WDR59: variants seen among roughly 807,000 people sequenced by gnomAD.
The protein encoded by WDR59 is WD repeat domain 59, also known as GATOR2 complex protein WDR59.
WDR59 carries 100 observed loss-of-function variants against 131.2 expected under a neutral mutation model. The ratio of observed to expected loss-of-function variants is 0.76; its 90% CI spans 0.65 to 0.90. WDR59 has a LOEUF of 0.90. WDR59 is among the 40% of genes least tolerant of loss of function. The probability of loss-of-function intolerance (pLI) is 0.00; values close to 1 mark genes in which losing one functional copy is unlikely to be tolerated. For missense variants in WDR59, 1,203 were observed against 1,262.2 expected (o/e 0.95, Z 0.71); for synonymous variants, 601 against 466.2 (o/e 1.29, Z -3.72).
chr16:74,891,574 G>C (rs1345910458), intron 20 of WDR59, among the ~76,000 whole-genome samples: 2 of 152,160 alleles, frequency 1.3e-5, no homozygotes, highest in African/African-American at 4.8e-5. Flanking sequence ...AGTGACTCTT[G>C]CATTTACTTC....
chr16:74,958,159 T>C (rs1223892831), intron 2 of WDR59, among the ~76,000 whole-genome samples: 1 of 152,148 alleles, frequency 6.6e-6, no homozygotes, highest in Non-Finnish European at 1.5e-5. Context: ...TGAACACGCC[T>C]GATGGAACAT....
intron 8 of WDR59, among the ~76,000 whole-genome samples, chr16:74,924,459 T>C (rs1339845460): frequency 6.6e-6 from 1 of 152,186 alleles, no homozygotes; most frequent in African/African-American, 2.4e-5. Flanking sequence ...TTTTCAAATG[T>C]AGAGGCTATA....
rs547076296 is a variant in WDR59 at position 74,898,518 on chromosome 16, G to A, written c.1867-4706C>T. Among the ~76,000 whole-genome samples, 5 of 152,304 alleles carry A rather than the reference G, an allele frequency of 3.3e-5. 1 individual carries two copies. The highest frequency in any genetic ancestry group is 1.2e-4 in the African/African-American group (5 of 41,568). On this transcript the variant is annotated intron_variant, in intron 18 of 25. Coordinates refer to ENST00000262144, the MANE Select transcript of WDR59 (RefSeq NM_030581.4). ...AACAAACCAAGAAGGTGTTCATGGA[G>A]TTATGGCAAAGAGGACAAGGAAGAA... is the stretch of plus-strand genomic sequence containing the variant.
At chr16:74,958,254 C>G (rs916382024) in intron 2 of WDR59, among the ~76,000 whole-genome samples, 12 of 151,844 alleles carry the variant, frequency 7.9e-5, no homozygotes, top group African/African-American at 2.7e-4. Flanking sequence ...GAAAATGAGA[C>G]AGGAAATGAA....
At chr16:74,888,365 TGAG>T in intron 21 of WDR59, 46 bp from the exon 22 acceptor site, 1 of 1,581,300 alleles carries the variant, frequency 6.3e-7, no homozygotes, top group African/African-American at 1.3e-5. Context: ...GAGGAGGGAT[TGAG>T]GAGGAAAGCG....
At chr16:74,911,247 G>A (rs1393260425) in intron 14 of WDR59, among the ~76,000 whole-genome samples, 3 of 152,154 alleles carry the variant, frequency 2.0e-5, no homozygotes, top group Non-Finnish European at 4.4e-5. Flanking sequence ...TTTTTTGTAT[G>A]TCCAAACTAG....
chr16:74,904,276 G>A (rs1303516126), intron 17 of WDR59, 176 bp from the exon 18 acceptor site: 2 of 678,956 alleles, frequency 2.9e-6, no homozygotes, highest in East Asian at 2.9e-5. Flanking sequence ...CACAAGCATA[G>A]AATGCTTCTA....
At chr16:74,981,953 G>A (rs1364011774) in intron 1 of WDR59, among the ~76,000 whole-genome samples, 2 of 123,966 alleles carry the variant, frequency 1.6e-5, no homozygotes, top group Non-Finnish European at 3.4e-5. Flanking sequence ...ACCACGCCTG[G>A]CCATATATGT....
chr16:74,977,610 C>G (rs537525778), intron 1 of WDR59, among the ~76,000 whole-genome samples: 1 of 152,224 alleles, frequency 6.6e-6, no homozygotes, highest in African/African-American at 2.4e-5. Context: ...ATGGCGTGAA[C>G]CCGGGAGGCG....
chr16:74,934,556 G>A (rs1165159098), intron 8 of WDR59, among the ~76,000 whole-genome samples: 2 of 151,988 alleles, frequency 1.3e-5, no homozygotes, highest in Non-Finnish European at 2.9e-5. Context: ...TAAATTAACC[G>A]GAGCCATTCC....
In WDR59 at chr16:74,874,440, G is replaced by C; in HGVS notation, c.2694C>G (p.Phe898Leu). ...CPPDPHKGIE[F>L]GVYCSHCRSE... ...TCCGGCAGTGGCTGCAGTACACGCCGAACTCTGGAAATGGGCAGGGACGGG... is the reference window on the plus strand; with the variant it reads ...TCCGGCAGTGGCTGCAGTACACGCCCAACTCTGGAAATGGGCAGGGACGGG... The change falls in exon 26 of 26, where the codon TTC becomes TTG. Residue 898 changes from phenylalanine to leucine, a missense_variant. Physicochemically the swap from Phe to Leu is conservative, Grantham distance 22. Transcript: ENST00000262144. 3 of 1,613,684 alleles carry C rather than the reference G, an allele frequency of 1.9e-6. No individual in the cohort carries two copies. The highest frequency in any genetic ancestry group is 2.2e-5 in the East Asian group (1 of 44,872).
chr16:74,901,357 CA>C (rs1221431426), intron 18 of WDR59, among the ~76,000 whole-genome samples: 4 of 151,850 alleles, frequency 2.6e-5, no homozygotes, highest in Non-Finnish European at 4.4e-5. Flanking sequence ...TTAAAGCTCT[CA>C]GGGGCAGAGA....
At chr16:74,937,631 A>G (rs2031907600) in intron 8 of WDR59, among the ~76,000 whole-genome samples, 1 of 152,090 alleles carries the variant, frequency 6.6e-6, no homozygotes, top group South Asian at 2.1e-4. Flanking sequence ...CCTCCCAAGT[A>G]GATGGAATTA....
rs115087805 is a variant in WDR59, at chr16:74,872,260, C to G, written c.*1949G>C. 1.3e-5 allele frequency: 2 copies of G among 152,134 alleles called. No individual in the cohort carries two copies. The highest frequency in any genetic ancestry group is 6.5e-5 in the Admixed American group (1 of 15,278). 9.4% of individuals were successfully genotyped at this position (152,134 alleles called of 1,614,324 possible). On this transcript the variant is annotated 3_prime_UTR_variant, in exon 26 of 26. Coordinates refer to ENST00000262144, the MANE Select transcript of WDR59 (RefSeq NM_030581.4). ...TTGAAACACATGAATATGCAATGCT[C>G]TCCCATTATGAGACATGTCCTAGTC...
At chr16:74,876,894 G>A (rs983795858) in intron 25 of WDR59, among the ~76,000 whole-genome samples, 3 of 152,086 alleles carry the variant, frequency 2.0e-5, no homozygotes, top group African/African-American at 7.2e-5. Context: ...CTGGCAAGGT[G>A]TCTCACACCT....
intron 3 of WDR59, among the ~76,000 whole-genome samples, chr16:74,954,697 C>G (rs1182674482): frequency 6.6e-6 from 1 of 152,146 alleles, no homozygotes; most frequent in Non-Finnish European, 1.5e-5. Context: ...ATGTTCATAC[C>G]AGCTCTATTC....
chr16:74,928,877 C>A (rs1416533823), intron 8 of WDR59, among the ~76,000 whole-genome samples: 3 of 151,994 alleles, frequency 2.0e-5, no homozygotes, highest in African/African-American at 2.4e-5. Context: ...CCACTGCACT[C>A]CAGCCTGGAT....
At chr16:74,914,695 G>T (rs569903466) in intron 13 of WDR59, among the ~76,000 whole-genome samples, 1 of 151,634 alleles carries the variant, frequency 6.6e-6, no homozygotes, top group Admixed American at 6.6e-5. Flanking sequence ...CTGGGTTCAA[G>T]CGATTCTCCT....
chr16:74,959,596 C>T, intron 2 of WDR59: 1 of 424,318 alleles, frequency 2.4e-6, no homozygotes, highest in Non-Finnish European at 4.6e-6. Flanking sequence ...ACCTTATCTG[C>T]ATAAAGAAAA....
Sources: allele counts gnomAD v4.1 joint callset (sites outside exome capture counted in the v4.1 genomes callset), GRCh38; gene constraint gnomAD v4.1.1; transcripts MANE v1.5; gene names NCBI Gene and HGNC (gene_info 2026-07-23, HGNC 2026-07-21).